TRPM3: variants seen among roughly 807,000 people sequenced by gnomAD.
TRPM3 encodes the protein transient receptor potential cation channel subfamily M member 3, also known as long transient receptor potential channel 3.
In TRPM3, 77 loss-of-function variants were observed where a neutral mutation model predicts 181.2. That is an observed-to-expected ratio of 0.42 (90% CI 0.35 to 0.51). The LOEUF is 0.51. TRPM3 is among the 20% of genes least tolerant of loss of function. The pLI, the probability that TRPM3 is intolerant of heterozygous loss-of-function variation, is 0.01. For synonymous variants in TRPM3, 745 were observed against 796.4 expected (o/e 0.94, Z 1.09); for missense variants, 1,759 against 2,196.7 (o/e 0.80, Z 3.98).
At chr9:71,202,163 T>A (rs2078841924) in intron 1 of TRPM3, among the ~76,000 whole-genome samples, 1 of 152,160 alleles carries the variant, frequency 6.6e-6, no homozygotes, top group Non-Finnish European at 1.5e-5. Flanking sequence ...GAACCGCAAA[T>A]GCTGCTGTCT....
At chr9:71,117,178 A>T (rs1220990522) in intron 1 of TRPM3, among the ~76,000 whole-genome samples, 1 of 152,138 alleles carries the variant, frequency 6.6e-6, no homozygotes, top group Non-Finnish European at 1.5e-5. Flanking sequence ...CAGGCCTCTA[A>T]TCTAATCTTT....
chr9:70,900,255 C>T (rs887963560), intron 1 of TRPM3, among the ~76,000 whole-genome samples: 2 of 152,018 alleles, frequency 1.3e-5, no homozygotes, highest in Non-Finnish European at 2.9e-5. Flanking sequence ...GCAGGAGAAT[C>T]GCTTGAACCC....
chr9:70,830,926 G>A (rs1340026949), intron 5 of TRPM3, among the ~76,000 whole-genome samples: 2 of 152,088 alleles, frequency 1.3e-5, no homozygotes, highest in African/African-American at 4.8e-5. Flanking sequence ...TTGTAAACTA[G>A]TGATCAAAAT....
intron 1 of TRPM3, among the ~76,000 whole-genome samples, chr9:71,355,224 T>C (rs1321869770): frequency 6.6e-6 from 1 of 152,226 alleles, no homozygotes; most frequent in Non-Finnish European, 1.5e-5. Flanking sequence ...CTGGTATCTG[T>C]CAATGTGAGC....
At chr9:71,396,119 G>T (rs944401811) in intron 1 of TRPM3, among the ~76,000 whole-genome samples, 1 of 152,100 alleles carries the variant, frequency 6.6e-6, no homozygotes, top group African/African-American at 2.4e-5. Flanking sequence ...ATTCAAGCAG[G>T]CAAGTGACAA....
Position 70,848,699 on chromosome 9 carries a change from C to T in TRPM3, c.463-2108G>A, listed in dbSNP as rs555397861. Among the ~76,000 whole-genome samples the T allele has an allele frequency of 2.1e-4, 7 of 32,568 alleles. 1 individual carries two copies. The highest frequency in any genetic ancestry group is 4.3e-4 in the Non-Finnish European group (6 of 14,028). 21.4% of individuals were successfully genotyped at this position (32,568 alleles called of 152,430 possible). A position where few individuals can be genotyped will look rare whatever the true frequency, so the allele number is the denominator to read the frequency against. On this transcript the variant is annotated intron_variant, in intron 3 of 25. Transcript: ENST00000677713. Reference sequence around the variant, plus strand: ...CATGTGTCAAAAGAAATTACCTGGCCGGGCGCGGTGGCTCACGCCTGTAAT... The same window carrying T: ...CATGTGTCAAAAGAAATTACCTGGCTGGGCGCGGTGGCTCACGCCTGTAAT...
chr9:70,751,478 TAGG>T (rs2076121418), intron 8 of TRPM3, among the ~76,000 whole-genome samples: 1 of 152,068 alleles, frequency 6.6e-6, no homozygotes, highest in Non-Finnish European at 1.5e-5. Context: ...TCTCCCATGA[TAGG>T]AGACTTAAAA....
chr9:71,068,398 T>C (rs1164303166), intron 1 of TRPM3, among the ~76,000 whole-genome samples: 9 of 152,318 alleles, frequency 5.9e-5, no homozygotes, highest in African/African-American at 2.2e-4. Context: ...TAAGGTGGCC[T>C]GAACACAGCC....
At chr9:71,096,211 A>G (rs2067163317) in intron 1 of TRPM3, among the ~76,000 whole-genome samples, 1 of 151,148 alleles carries the variant, frequency 6.6e-6, no homozygotes, top group South Asian at 2.1e-4. Context: ...AATGTTGCAA[A>G]TGCTATACTT....
chr9:71,321,339 C>T (rs751559659), intron 1 of TRPM3, among the ~76,000 whole-genome samples: 1 of 152,166 alleles, frequency 6.6e-6, no homozygotes, highest in Non-Finnish European at 1.5e-5. Context: ...AAATTTTTAT[C>T]CTCATCTGTG....
At chr9:71,223,390 A>C (rs1003373274) in intron 1 of TRPM3, among the ~76,000 whole-genome samples, 1 of 152,118 alleles carries the variant, frequency 6.6e-6, no homozygotes, top group Non-Finnish European at 1.5e-5. Context: ...GCCCTGAATA[A>C]CCAGCAGCAA....
At chr9:71,279,740 T>C (rs1270973910) in intron 1 of TRPM3, among the ~76,000 whole-genome samples, 6 of 152,052 alleles carry the variant, frequency 3.9e-5, no homozygotes, top group Non-Finnish European at 7.4e-5. Context: ...TCAGGAGCAA[T>C]GCTGACTGAT....
At chr9:70,992,801 C>A (rs1439184222) in intron 1 of TRPM3, among the ~76,000 whole-genome samples, 3 of 152,038 alleles carry the variant, frequency 2.0e-5, no homozygotes, top group Non-Finnish European at 4.4e-5. Flanking sequence ...AATCAGAAAA[C>A]AACCAAAAAT....
chr9:70,842,487 C>G (rs1199581505), intron 5 of TRPM3, among the ~76,000 whole-genome samples: 1 of 151,988 alleles, frequency 6.6e-6, no homozygotes, highest in Non-Finnish European at 1.5e-5. Flanking sequence ...TAATTCTTCG[C>G]CACTTTTAAA....
Position 71,027,825 on chromosome 9 carries a change from C to A in TRPM3, c.177+93353G>T, listed in dbSNP as rs145490296. ...AGAAATATGGGATTATGTAAAGAGA[C>A]CAAATCTATGAATCACTGGAATCCC... On this transcript the variant is annotated intron_variant, in intron 1 of 25. Transcript: ENST00000677713. Among the ~76,000 whole-genome samples, 6 of 152,086 alleles carry A rather than the reference C, an allele frequency of 3.9e-5. No individual in the cohort carries two copies. In the East Asian group the frequency reaches 9.6e-4, roughly 24 times the overall value.
chr9:70,812,582 C>T (rs2092225573), intron 6 of TRPM3, among the ~76,000 whole-genome samples: 1 of 152,142 alleles, frequency 6.6e-6, no homozygotes, highest in South Asian at 2.1e-4. Context: ...CTCCCCAGGC[C>T]ATTCTAGCAC....
chr9:71,059,173 C>T (rs1469187527), intron 1 of TRPM3, among the ~76,000 whole-genome samples: 1 of 151,592 alleles, frequency 6.6e-6, no homozygotes, highest in Non-Finnish European at 1.5e-5. Context: ...ATAATCATCT[C>T]CACTCCCTCC....
chr9:70,561,227 C>T (rs2048991462), intron 22 of TRPM3, among the ~76,000 whole-genome samples: 1 of 152,204 alleles, frequency 6.6e-6, no homozygotes, highest in Admixed American at 6.5e-5. Context: ...GATTTCTCCA[C>T]CTCCTTTTGA....
chr9:70,615,851 G>A (rs2133108135), intron 18 of TRPM3, 57 bp downstream of exon 18: 1 of 1,515,174 alleles, frequency 6.6e-7, no homozygotes, highest in Non-Finnish European at 8.9e-7. Flanking sequence ...GCATATCGGT[G>A]GGACAAGTGG....
Sources: allele counts gnomAD v4.1 joint callset (sites outside exome capture counted in the v4.1 genomes callset), GRCh38; gene constraint gnomAD v4.1.1; transcripts MANE v1.5; gene names NCBI Gene and HGNC (gene_info 2026-07-23, HGNC 2026-07-21).